The following CFAP20DC variants were observed in gnomAD, a reference collection of about 807,000 sequenced individuals.
CFAP20DC encodes CFAP20 domain containing.
A neutral mutation model predicts 101.7 loss-of-function variants in CFAP20DC; 84 were observed. The ratio of observed to expected loss-of-function variants is 0.83; its 90% CI spans 0.69 to 0.99. The LOEUF is 0.99. Ranked by LOEUF, CFAP20DC falls within the 50% of genes least tolerant of loss-of-function variation. The probability of loss-of-function intolerance (pLI) is 0.00; values close to 1 mark genes in which losing one functional copy is unlikely to be tolerated. For synonymous variants in CFAP20DC, 359 were observed against 351.2 expected (o/e 1.02, Z -0.25); for missense variants, 1,007 against 970.3 (o/e 1.04, Z -0.50).
intron 16 of CFAP20DC, among the ~76,000 whole-genome samples, chr3:58,749,976 C>T (rs539414524): frequency 3.3e-5 from 5 of 152,296 alleles, no homozygotes; most frequent in African/African-American, 1.2e-4. Context: ...TGTGTTATAG[C>T]CCAGGAGGAG....
chr3:58,811,657 T>A (rs2107791166), intron 14 of CFAP20DC, among the ~76,000 whole-genome samples: 1 of 152,254 alleles, frequency 6.6e-6, no homozygotes, highest in East Asian at 1.9e-4. Flanking sequence ...AAGGACTTCA[T>A]GTCTAAAACA....
At chr3:59,047,105 C>T (rs1473689597) in intron 2 of CFAP20DC, 60 bp downstream of exon 2, 7 of 1,113,608 alleles carry the variant, frequency 6.3e-6, no homozygotes, top group African/African-American at 6.2e-5. Flanking sequence ...GCCCTTTCTT[C>T]TATAAGCTTC....
intron 3 of CFAP20DC, among the ~76,000 whole-genome samples, chr3:59,040,299 C>A (rs917203413): frequency 1.3e-5 from 2 of 151,908 alleles, no homozygotes; most frequent in African/African-American, 4.8e-5. Flanking sequence ...GAAACCAGTC[C>A]CTACAGCATT....
chr3:58,993,864 G>A (rs111688116), intron 4 of CFAP20DC, among the ~76,000 whole-genome samples: 1,557 of 152,192 alleles, frequency 0.01, 29 homozygotes, highest in African/African-American at 0.035. Context: ...CCATGTCTTT[G>A]TTATTGTGAA....
intron 6 of CFAP20DC, among the ~76,000 whole-genome samples, chr3:58,901,180 GTA>G (rs1559793874): frequency 2.0e-5 from 3 of 152,170 alleles, no homozygotes; most frequent in Non-Finnish European, 4.4e-5. Context: ...TGAGGGCCAA[GTA>G]TAAAACACAA....
chr3:59,044,172 T>C (rs897461366), intron 3 of CFAP20DC, among the ~76,000 whole-genome samples: 2 of 152,132 alleles, frequency 1.3e-5, no homozygotes, highest in African/African-American at 2.4e-5. Context: ...AATGTCAAGT[T>C]TGCATAAATA....
chr3:58,806,268 G>C (rs2074044894), intron 15 of CFAP20DC, 127 bp downstream of exon 15: 14 of 668,800 alleles, frequency 2.1e-5, no homozygotes, highest in Non-Finnish European at 3.7e-5. Context: ...GATGAACTAG[G>C]ACTTTGAAAG....
At chr3:58,930,421 C>T (rs2086481611) in intron 5 of CFAP20DC, among the ~76,000 whole-genome samples, 1 of 152,210 alleles carries the variant, frequency 6.6e-6, no homozygotes, top group Admixed American at 6.5e-5. Context: ...TTTTCAAATC[C>T]ACCACAGTAG....
At chr3:58,735,349 T>C (rs944981710) in intron 3 of CFAP20DC, among the ~76,000 whole-genome samples, 1 of 152,190 alleles carries the variant, frequency 6.6e-6, no homozygotes, top group Non-Finnish European at 1.5e-5. Context: ...ATAGGTCATG[T>C]TTTCCATTCT....
chr3:58,973,577 G>GA (rs2108398095), intron 4 of CFAP20DC, among the ~76,000 whole-genome samples: 1 of 152,234 alleles, frequency 6.6e-6, no homozygotes, highest in Non-Finnish European at 1.5e-5. Flanking sequence ...TCTGAGAATG[G>GA]AATCTAAATT....
chr3:58,890,750 T>G (rs1191383093), intron 6 of CFAP20DC, among the ~76,000 whole-genome samples: 1 of 120,792 alleles, frequency 8.3e-6, no homozygotes, highest in South Asian at 3.0e-4. Flanking sequence ...CCAGACGGGG[T>G]TGCGGCCGGG....
At chr3:58,873,279 A>C (rs1457864094) in intron 7 of CFAP20DC, among the ~76,000 whole-genome samples, 1 of 150,324 alleles carries the variant, frequency 6.7e-6, no homozygotes, top group Non-Finnish European at 1.5e-5. Context: ...GTGCTCAAGC[A>C]GAAGTCTGGA....
intron 4 of CFAP20DC, among the ~76,000 whole-genome samples, chr3:58,953,140 G>A (rs531896251): frequency 1.3e-5 from 2 of 152,286 alleles, no homozygotes; most frequent in African/African-American, 2.4e-5. Context: ...CAACGTTTAA[G>A]CTGAGTTGAG....
At chr3:58,865,260 A>G (rs1380360736) in intron 11 of CFAP20DC, among the ~76,000 whole-genome samples, 1 of 152,212 alleles carries the variant, frequency 6.6e-6, no homozygotes, top group Non-Finnish European at 1.5e-5. Flanking sequence ...TAAAGCCTAC[A>G]ATGCAAAAGC....
chr3:59,038,038 A>C (rs2094134262), intron 4 of CFAP20DC, among the ~76,000 whole-genome samples: 2 of 152,150 alleles, frequency 1.3e-5, no homozygotes, highest in Non-Finnish European at 2.9e-5. Flanking sequence ...AGAAAGCGAA[A>C]CACCACATGT....
chr3:58,818,372 C>T (rs2075358584), intron 14 of CFAP20DC, among the ~76,000 whole-genome samples: 1 of 147,498 alleles, frequency 6.8e-6, no homozygotes, highest in Non-Finnish European at 1.5e-5. Flanking sequence ...CAAGACCCAT[C>T]AGTGTGCTGT....
intron 14 of CFAP20DC, among the ~76,000 whole-genome samples, chr3:58,807,999 T>A (rs372883326): frequency 0.055 from 8,386 of 151,910 alleles, 502 homozygotes; most frequent in East Asian, 0.35. Context: ...TGAAGTGAGA[T>A]GGGAAGTTTA....
At chr3:58,786,942 G>T (rs985426666) in intron 15 of CFAP20DC, among the ~76,000 whole-genome samples, 3 of 151,456 alleles carry the variant, frequency 2.0e-5, no homozygotes, top group African/African-American at 7.3e-5. Flanking sequence ...TGCATATATA[G>T]AAAAAAATAT....
intron 4 of CFAP20DC, among the ~76,000 whole-genome samples, chr3:59,037,238 A>G (rs1352074774): frequency 6.6e-6 from 1 of 152,204 alleles, no homozygotes; most frequent in Non-Finnish European, 1.5e-5. Context: ...CTTCATGACT[A>G]AAACACCAAA....
Sources: allele counts gnomAD v4.1 joint callset (sites outside exome capture counted in the v4.1 genomes callset), GRCh38; gene constraint gnomAD v4.1.1; transcripts MANE v1.5; gene names NCBI Gene and HGNC (gene_info 2026-07-23, HGNC 2026-07-21).